Variants in ANKRD13A observed in about 807,000 individuals in gnomAD.
ANKRD13A encodes the protein ankyrin repeat domain-containing protein 13A.
ANKRD13A carries 48 observed loss-of-function variants against 81.3 expected under a neutral mutation model. The ratio of observed to expected loss-of-function variants is 0.59; its 90% CI spans 0.47 to 0.75. The LOEUF (loss-of-function observed/expected upper bound fraction) is 0.75. Among genes scored for constraint, ANKRD13A ranks in the 30% least tolerant of loss-of-function variants. The pLI is 0.00. For missense variants in ANKRD13A, 612 were observed against 734.0 expected (o/e 0.83, Z 1.92); for synonymous variants, 230 against 270.1 (o/e 0.85, Z 1.45).
chr12:110,001,813 A>T (rs1057355159), intron 1 of ANKRD13A, among the ~76,000 whole-genome samples: 8 of 152,152 alleles, frequency 5.3e-5, no homozygotes, highest in Non-Finnish European at 1.2e-4. Context: ...AGAGTTAAGG[A>T]GATATGACAC....
intron 1 of ANKRD13A, among the ~76,000 whole-genome samples, chr12:110,010,509 A>C (rs1305413630): frequency 6.6e-6 from 1 of 152,210 alleles, no homozygotes; most frequent in East Asian, 1.9e-4. Flanking sequence ...TATTAATATG[A>C]CTTGGATCCT....
In ANKRD13A at chr12:110,039,063, G is replaced by GTTTTTTTTTTTT. The variant is rs1211333897; in HGVS notation, c.*1513_*1514insTTTTTTTTTTTT. On this transcript the variant is annotated 3_prime_UTR_variant, in exon 15 of 15. Transcript: ENST00000261739. ...TGCTTTTAATTCCATTTCACAATCT[G>GTTTTTTTTTTTT]TTTTGTTTTTTTTTTTTGTCATTGT... is the stretch of plus-strand genomic sequence containing the variant. The GTTTTTTTTTTTT allele has an allele frequency of 6.9e-6, 1 of 144,854 alleles. No individual in the cohort carries two copies. 9.0% of individuals were successfully genotyped at this position (144,854 alleles called of 1,614,324 possible).
intron 12 of ANKRD13A, chr12:110,032,883 A>G (rs1891778432): frequency 6.6e-6 from 1 of 152,336 alleles, no homozygotes; most frequent in Middle Eastern, 3.4e-3. Flanking sequence ...CGAGTTCACA[A>G]ACAGGCTAAT....
chr12:110,010,147 A>C (rs1428120140), intron 1 of ANKRD13A, among the ~76,000 whole-genome samples: 2 of 152,210 alleles, frequency 1.3e-5, no homozygotes, highest in Non-Finnish European at 2.9e-5. Context: ...GATTACAGGC[A>C]TGAGCCACCG....
At chr12:110,025,957 T>G in intron 8 of ANKRD13A, 134 bp downstream of exon 8, 2 of 637,992 alleles carry the variant, frequency 3.1e-6, no homozygotes, top group Non-Finnish European at 5.1e-6. Context: ...TTCTTCTCTC[T>G]CTCTCTCTTT....
chr12:110,019,279 A>G lies in ANKRD13A; in HGVS notation c.685A>G (p.Ser229Gly), dbSNP rs1890953858. The G allele has an allele frequency of 6.2e-7, 1 of 1,614,000 alleles. No homozygotes were observed. The highest frequency in any genetic ancestry group is 2.2e-5 in the East Asian group (1 of 44,890). ...KSREVERRLT[S>G]PVINTSLDTK... ...CAGGGAAGTTGAGCGGCGGCTCACA[A>G]GCCCTGTCATTAACACCAGCCTCGA... The change falls in exon 6 of 15, where the codon AGC (serine) becomes GGC (glycine). Residue 229 changes from serine to glycine, a missense_variant. By Grantham distance (56) the Ser-to-Gly change is moderately conservative. Coordinates refer to ENST00000261739, the MANE Select transcript of ANKRD13A (RefSeq NM_033121.2).
intron 11 of ANKRD13A, among the ~76,000 whole-genome samples, chr12:110,030,045 A>T (rs1293588870): frequency 6.6e-6 from 1 of 152,216 alleles, no homozygotes; most frequent in Non-Finnish European, 1.5e-5. Context: ...AATGCTATAT[A>T]TGTATATATC....
intron 1 of ANKRD13A, among the ~76,000 whole-genome samples, chr12:110,010,448 T>TA (rs768264922): frequency 2.0e-5 from 3 of 152,220 alleles, no homozygotes; most frequent in African/African-American, 7.2e-5. Context: ...TTGTTACTTT[T>TA]AAAAAAATAT....
intron 6 of ANKRD13A, among the ~76,000 whole-genome samples, chr12:110,020,780 G>A (rs12321161): frequency 6.6e-6 from 1 of 152,232 alleles, no homozygotes; most frequent in Non-Finnish European, 1.5e-5. Context: ...GAGGAACTGA[G>A]TGCCATCAGC....
intron 12 of ANKRD13A, 87 bp from the exon 13 acceptor site, chr12:110,033,709 CT>C (rs1566064191): frequency 4.7e-6 from 6 of 1,272,056 alleles, no homozygotes; most frequent in Non-Finnish European, 4.2e-6. Context: ...TTGAGCCTTT[CT>C]TTTTTTTCTA....
intron 13 of ANKRD13A, among the ~76,000 whole-genome samples, chr12:110,035,505 A>C (rs2137189668): frequency 6.6e-6 from 1 of 151,754 alleles, no homozygotes; most frequent in African/African-American, 2.4e-5. Context: ...GCTGCAGTGC[A>C]GGGGCACAAT....
chr12:110,029,568 T>C lies in ANKRD13A; in HGVS notation c.1167T>C (p.Ser389=), dbSNP rs372319311. Residue 389 remains serine (S), a synonymous_variant, in exon 11 of 15, where the codon AGT becomes AGC. Coordinates refer to ENST00000261739, the MANE Select transcript of ANKRD13A (RefSeq NM_033121.2). ...TCATTGACCTAATGGCTCGAACGAGTGCTCATTTTGCAAGACTGAGAGATT... is the reference window on the plus strand; with the variant it reads ...TCATTGACCTAATGGCTCGAACGAGCGCTCATTTTGCAAGACTGAGAGATT... ...IPIIDLMART[S]AHFARLRDFI... The C allele has an allele frequency of 8.4e-5, 136 of 1,613,842 alleles. No individual in the cohort carries two copies. The highest frequency in any genetic ancestry group is 1.6e-4 in the Middle Eastern group (1 of 6,084).
rs779041870 is a variant in ANKRD13A at position 110,018,407 on chromosome 12, C to T, written c.463C>T (p.Leu155=). 1.5e-5 allele frequency: 25 copies of T among 1,614,006 alleles called. No homozygotes were observed. The highest frequency in any genetic ancestry group is 3.3e-4 in the Middle Eastern group (2 of 6,084). ...TCGCATCTGGAAAAGTGGTGCCAAA[C>T]TGCGCGTCGATATCACATTGCTGGG... The part of the protein sequence containing the change: ...VCRIWKSGAK[L]RVDITLLGFE... Residue 155 remains leucine, a synonymous_variant, in exon 5 of 15, where the codon CTG becomes TTG. Transcript: ENST00000261739. The surrounding 1 kb of genome is among the most constrained non-coding windows in gnomAD (Gnocchi z 4.4).
rs1890548509 is a variant in ANKRD13A at position 110,011,991 on chromosome 12, T to C, written c.97-14T>C. 3 of 1,585,108 alleles carry C rather than the reference T, an allele frequency of 1.9e-6. No homozygotes were observed. Among genetic ancestry groups the C allele is most frequent in the Non-Finnish European group, 1.7e-6 (2 of 1,156,968 alleles). ...ATACATCCAATTATGTAAATGCCAG[T>C]GTTTCCTTCACAGAATGTGGAGGCT... On this transcript the variant is annotated splice_polypyrimidine_tract_variant and intron_variant, in intron 1 of 14. Transcript: ENST00000261739.
At chr12:110,029,279 G>A (rs933164400) in intron 10 of ANKRD13A, 199 bp from the exon 11 acceptor site, 13 of 475,396 alleles carry the variant, frequency 2.7e-5, no homozygotes, top group African/African-American at 1.2e-4. Context: ...CATGCAGGTC[G>A]CTTGCCTTTA....
intron 3 of ANKRD13A, among the ~76,000 whole-genome samples, chr12:110,016,180 C>T (rs769656229): frequency 2.0e-5 from 3 of 151,298 alleles, no homozygotes; most frequent in Non-Finnish European, 4.4e-5. Flanking sequence ...AACTCCTGAG[C>T]GCAAGTGATC....
At chr12:110,020,897 A>G (rs910424306) in intron 6 of ANKRD13A, among the ~76,000 whole-genome samples, 8 of 152,232 alleles carry the variant, frequency 5.3e-5, no homozygotes, top group Non-Finnish European at 8.8e-5. Context: ...GAAATCTCCA[A>G]AGTCTGTGAC....
chr12:110,024,676 G>T (rs1279492018), intron 7 of ANKRD13A, among the ~76,000 whole-genome samples: 3 of 152,126 alleles, frequency 2.0e-5, no homozygotes, highest in Non-Finnish European at 4.4e-5. Context: ...TGGTGTTGGA[G>T]CCCAGTGCTG....
Position 110,025,774 on chromosome 12 carries a change from C to A in ANKRD13A, c.834C>A (p.Thr278=). ...CAGTAAACAATGTGAATGTGATCAC[C>A]AAAATACGCACAGAACATCTGACCG... ...VYTVNNVNVI[T]KIRTEHLTEE... Residue 278 remains threonine (T), a synonymous_variant, in exon 8 of 15, where the codon ACC becomes ACA. Coordinates refer to ENST00000261739, the MANE Select transcript of ANKRD13A (RefSeq NM_033121.2). 1.2e-6 allele frequency: 2 copies of A among 1,613,510 alleles called. No individual in the cohort carries two copies. The highest frequency in any genetic ancestry group is 1.7e-6 in the Non-Finnish European group (2 of 1,179,764).
Sources: allele counts gnomAD v4.1 joint callset (sites outside exome capture counted in the v4.1 genomes callset), GRCh38; gene constraint gnomAD v4.1.1; non-coding constraint Gnocchi (gnomAD v3.1); transcripts MANE v1.5; gene names NCBI Gene and HGNC (gene_info 2026-07-23, HGNC 2026-07-21).